The following HCN1 variants were observed in gnomAD, a reference collection of about 807,000 sequenced individuals.
HCN1 encodes potassium/sodium hyperpolarization-activated cyclic nucleotide-gated channel 1.
In HCN1, 13 loss-of-function variants were observed where a neutral mutation model predicts 78.9. That is an observed-to-expected ratio of 0.16 (90% CI 0.11 to 0.26). The LOEUF is 0.26. Among genes scored for constraint, HCN1 ranks in the 10% least tolerant of loss-of-function variants. The probability of loss-of-function intolerance (pLI) is 1.00; values close to 1 mark genes in which losing one functional copy is unlikely to be tolerated. For synonymous variants in HCN1, 552 were observed against 455.5 expected, an observed-to-expected ratio of 1.21 and a Z score of -2.70; for missense variants, 810 against 1,154.3, an observed-to-expected ratio of 0.70 and a Z score of 4.32.
chr5:45,551,540 T>C (rs1483377246), intron 2 of HCN1, among the ~76,000 whole-genome samples: 3 of 151,892 alleles, frequency 2.0e-5, no homozygotes, highest in Admixed American at 1.3e-4. Flanking sequence ...AGATTAAAGA[T>C]GGATAAAAGT....
At chr5:45,436,019 A>G (rs1273571018) in intron 3 of HCN1, among the ~76,000 whole-genome samples, 1 of 152,136 alleles carries the variant, frequency 6.6e-6, no homozygotes, top group African/African-American at 2.4e-5. Context: ...GAATTATTCC[A>G]TGCATGCTGA....
chr5:45,489,571 C>T (rs1337319417), intron 2 of HCN1, among the ~76,000 whole-genome samples: 1 of 152,088 alleles, frequency 6.6e-6, no homozygotes, highest in Non-Finnish European at 1.5e-5. Flanking sequence ...CTGTTTCCAC[C>T]ATGATTAAAG....
At chr5:45,264,572 T>C (rs1236112481) in intron 7 of HCN1, among the ~76,000 whole-genome samples, 1 of 152,350 alleles carries the variant, frequency 6.6e-6, no homozygotes, top group South Asian at 2.1e-4. Flanking sequence ...TACCTCTCCC[T>C]ACTTACAGAC....
At chr5:45,433,895 T>C (rs1022349290) in intron 3 of HCN1, among the ~76,000 whole-genome samples, 10 of 152,218 alleles carry the variant, frequency 6.6e-5, no homozygotes, top group Non-Finnish European at 1.2e-4. Flanking sequence ...ACAATTCAAA[T>C]TGGCAAAATA....
intron 2 of HCN1, among the ~76,000 whole-genome samples, chr5:45,506,154 GC>G (rs1742291464): frequency 6.6e-6 from 1 of 152,062 alleles, no homozygotes; most frequent in South Asian, 2.1e-4. Flanking sequence ...ACATTTATCT[GC>G]TAAAATATAT....
At chr5:45,539,956 ATAT>A (rs1561193953) in intron 2 of HCN1, among the ~76,000 whole-genome samples, 5 of 102,146 alleles carry the variant, frequency 4.9e-5, no homozygotes, top group African/African-American at 1.6e-4. Flanking sequence ...ATATATATAT[ATAT>A]AAAATGTTTA....
rs1331102876 is a variant in HCN1, at chr5:45,293,657, T to G, written c.1618+9942A>C. Reference sequence around the variant, plus strand: ...ATTAAAAAGAGAAAGACATTTTGACTTCAAAATAAAATGTCTTCTTAATGT... The same window carrying G: ...ATTAAAAAGAGAAAGACATTTTGACGTCAAAATAAAATGTCTTCTTAATGT... On this transcript the variant is annotated intron_variant, in intron 6 of 7. Coordinates refer to ENST00000303230, the MANE Select transcript of HCN1 (RefSeq NM_021072.4). 2.0e-5 allele frequency among the ~76,000 whole-genome samples: 3 copies of G among 152,020 alleles called. No homozygotes were observed. In the East Asian group the frequency reaches 5.8e-4, roughly 30 times the overall value.
At chr5:45,628,830 G>A (rs1021039627) in intron 2 of HCN1, among the ~76,000 whole-genome samples, 3 of 151,734 alleles carry the variant, frequency 2.0e-5, no homozygotes, top group Middle Eastern at 3.2e-3. Context: ...AAAATTAGTC[G>A]GGCATGCTGG....
At chr5:45,315,022 C>A (rs974163476) in intron 5 of HCN1, among the ~76,000 whole-genome samples, 37 of 151,954 alleles carry the variant, frequency 2.4e-4, no homozygotes, top group Admixed American at 5.9e-4. Flanking sequence ...GAAAGTTAAC[C>A]ATGATATCCA....
chr5:45,482,126 ATT>A (rs1379546160), intron 2 of HCN1, among the ~76,000 whole-genome samples: 1 of 152,140 alleles, frequency 6.6e-6, no homozygotes, highest in African/African-American at 2.4e-5. Flanking sequence ...TGACTCCACT[ATT>A]ATAAAAAACC....
chr5:45,611,429 GT>G (rs1387019366), intron 2 of HCN1, among the ~76,000 whole-genome samples: 13 of 151,348 alleles, frequency 8.6e-5, no homozygotes, highest in Non-Finnish European at 1.0e-4. Flanking sequence ...CCACCACCAT[GT>G]TTGGCTAATG....
intron 2 of HCN1, among the ~76,000 whole-genome samples, chr5:45,465,499 G>A (rs552531984): frequency 6.6e-6 from 1 of 152,230 alleles, no homozygotes; most frequent in East Asian, 1.9e-4. Flanking sequence ...GCTCACACCT[G>A]TAATCCTAGC....
At chr5:45,380,902 A>G (rs1275356921) in intron 4 of HCN1, among the ~76,000 whole-genome samples, 2 of 152,172 alleles carry the variant, frequency 1.3e-5, no homozygotes, top group East Asian at 3.9e-4. Context: ...AAAATATTAA[A>G]TGTTATTTCC....
rs867301661 is a variant in HCN1, at chr5:45,366,905, G to C, written c.1231-13659C>G. ...ATCATGGTACTTATCAAGTCTGAAT[G>C]ATGTGGTATTAAGAATTAATGAAGA... On this transcript the variant is annotated intron_variant, in intron 4 of 7. Coordinates refer to ENST00000303230, the MANE Select transcript of HCN1 (RefSeq NM_021072.4). Among the ~76,000 whole-genome samples the C allele has an allele frequency of 1.6e-4, 25 of 151,836 alleles. 1 individual carries two copies. The Middle Eastern group carries it at 0.027, about 165-fold the overall frequency.
chr5:45,306,983 T>C (rs1579796723), intron 5 of HCN1, among the ~76,000 whole-genome samples: 1 of 152,028 alleles, frequency 6.6e-6, no homozygotes, highest in Non-Finnish European at 1.5e-5. Flanking sequence ...CAAGAAAGTA[T>C]GTACATGGTA....
chr5:45,599,155 A>C (rs560340286), intron 2 of HCN1, among the ~76,000 whole-genome samples: 4 of 152,218 alleles, frequency 2.6e-5, no homozygotes, highest in Non-Finnish European at 5.9e-5. Flanking sequence ...ACTTGGAACC[A>C]ACACAAATAG....
At chr5:45,583,337 T>C (rs1045994549) in intron 2 of HCN1, among the ~76,000 whole-genome samples, 5 of 152,214 alleles carry the variant, frequency 3.3e-5, no homozygotes, top group Admixed American at 6.5e-5. Flanking sequence ...TATTCTCTGA[T>C]GGTAGTTTGT....
chr5:45,537,687 G>A (rs990185682), intron 2 of HCN1, among the ~76,000 whole-genome samples: 3 of 151,450 alleles, frequency 2.0e-5, no homozygotes, highest in African/African-American at 4.8e-5. Context: ...ACAGGCACCC[G>A]CCACCATGCC....
At chr5:45,684,748 G>T (rs1418179473) in intron 1 of HCN1, among the ~76,000 whole-genome samples, 1 of 152,116 alleles carries the variant, frequency 6.6e-6, no homozygotes, top group Non-Finnish European at 1.5e-5. Context: ...TGTAATTCCA[G>T]TTACTCTGGA....
Sources: gnomAD v4.1 joint callset for allele counts (sites outside exome capture counted in the v4.1 genomes callset) on GRCh38, gnomAD v4.1.1 for gene constraint, MANE v1.5 for transcripts, NCBI Gene and HGNC (gene_info 2026-07-23, HGNC 2026-07-21) for gene names.